Variants in PPP1R12B observed in about 807,000 individuals in gnomAD.
The protein encoded by PPP1R12B is myosin phosphatase target subunit 2.
PPP1R12B carries 76 observed loss-of-function variants against 126.1 expected under a neutral mutation model. The observed-to-expected ratio is 0.60, with a 90% CI of 0.50 to 0.73. PPP1R12B has a LOEUF of 0.73. Among genes scored for constraint, PPP1R12B ranks in the 30% least tolerant of loss-of-function variants. The pLI is 0.00. For synonymous variants in PPP1R12B, 356 were observed against 434.7 expected, an observed-to-expected ratio of 0.82 and a Z score of 2.25; for missense variants, 1,052 against 1,205.1, an observed-to-expected ratio of 0.87 and a Z score of 1.88.
chr1:202,402,317 G>A (rs1022636166), intron 1 of PPP1R12B, among the ~76,000 whole-genome samples: 2 of 152,138 alleles, frequency 1.3e-5, no homozygotes, highest in East Asian at 1.9e-4. Flanking sequence ...TAAGCTAGTC[G>A]GGGAGAGTGG....
intron 18 of PPP1R12B, among the ~76,000 whole-genome samples, chr1:202,535,906 A>G (rs1233198736): frequency 6.6e-6 from 1 of 152,234 alleles, no homozygotes; most frequent in African/African-American, 2.4e-5. Context: ...CTCACATTCA[A>G]CTTTCTGGAG....
chr1:202,574,612 C>A (rs1688921041), intron 23 of PPP1R12B, among the ~76,000 whole-genome samples: 1 of 152,190 alleles, frequency 6.6e-6, no homozygotes, highest in Non-Finnish European at 1.5e-5. Context: ...GTCCTCAGCT[C>A]TAATCTCAGT....
intron 1 of PPP1R12B, among the ~76,000 whole-genome samples, chr1:202,406,123 G>A (rs1364235263): frequency 3.3e-5 from 5 of 152,150 alleles, no homozygotes; most frequent in Non-Finnish European, 7.4e-5. Context: ...CTGTGCTCTT[G>A]TGTCTTGTGA....
chr1:202,451,049 G>C (rs1194153628), intron 13 of PPP1R12B, among the ~76,000 whole-genome samples: 1 of 148,600 alleles, frequency 6.7e-6, no homozygotes, highest in East Asian at 2.0e-4. Context: ...GTGTTTTATA[G>C]TTTTCATTGT....
At chr1:202,488,471 G>C in intron 13 of PPP1R12B, 62 bp from the exon 14 acceptor site, 1 of 1,277,264 alleles carries the variant, frequency 7.8e-7, no homozygotes, top group East Asian at 2.4e-5. Flanking sequence ...GAAACACTTT[G>C]TCATTCCTCA....
At chr1:202,375,555 C>G (rs1033037166) in intron 1 of PPP1R12B, among the ~76,000 whole-genome samples, 1 of 152,200 alleles carries the variant, frequency 6.6e-6, no homozygotes, top group Non-Finnish European at 1.5e-5. Context: ...ATAACCTATA[C>G]TGTGTTTTCC....
chr1:202,587,230 T>C lies in PPP1R12B; in HGVS notation c.*6670T>C, dbSNP rs1197225883. On this transcript the variant is annotated 3_prime_UTR_variant, in exon 24 of 24. Transcript: ENST00000608999. ...TAAGCATACACTTCACTCCTCTCCC[T>C]TTCATCTCCCTCTGCATTCTTAATT... is the stretch of plus-strand genomic sequence containing the variant. 6.6e-6 allele frequency: 1 copy of C among 152,214 alleles called. No homozygotes were observed. The allele number at this position is 152,214 out of a possible 1,614,324, so 9.4% of individuals were successfully genotyped here. A position where few individuals can be genotyped will look rare whatever the true frequency, so the allele number is the denominator to read the frequency against.
chr1:202,438,718 C>A, intron 10 of PPP1R12B: 1 of 657,698 alleles, frequency 1.5e-6, no homozygotes, highest in East Asian at 2.7e-5. Flanking sequence ...AGGTGGTTAC[C>A]GTGCATTTTG....
At chr1:202,360,439 T>A (rs1299030919) in intron 1 of PPP1R12B, among the ~76,000 whole-genome samples, 1 of 152,196 alleles carries the variant, frequency 6.6e-6, no homozygotes, top group Non-Finnish European at 1.5e-5. Context: ...CCGGGTGCAG[T>A]GGCTTACACC....
intron 13 of PPP1R12B, among the ~76,000 whole-genome samples, chr1:202,477,228 C>T (rs1262470517): frequency 6.6e-6 from 1 of 152,152 alleles, no homozygotes; most frequent in African/African-American, 2.4e-5. Context: ...TAGCAGCAAA[C>T]GTGTGCCAGG....
chr1:202,557,703 T>G (rs770996427), intron 18 of PPP1R12B, among the ~76,000 whole-genome samples: 5 of 152,194 alleles, frequency 3.3e-5, no homozygotes, highest in Non-Finnish European at 7.3e-5. Context: ...AAACAGCATC[T>G]CCAGTATTGA....
intron 18 of PPP1R12B, among the ~76,000 whole-genome samples, chr1:202,501,435 G>T (rs1308475192): frequency 6.6e-6 from 1 of 152,158 alleles, no homozygotes; most frequent in Non-Finnish European, 1.5e-5. Context: ...CTCTGGAGCT[G>T]TTTTCCAAGC....
At chr1:202,478,492 A>G (rs1676956601) in intron 13 of PPP1R12B, among the ~76,000 whole-genome samples, 1 of 152,216 alleles carries the variant, frequency 6.6e-6, no homozygotes, top group South Asian at 2.1e-4. Flanking sequence ...TTCAAGTACT[A>G]GAATTTATGG....
rs372515197 is a variant in PPP1R12B, at chr1:202,437,973, T to C, written c.1407T>C (p.Tyr469=). 183 of 1,613,914 alleles carry C rather than the reference T, an allele frequency of 1.1e-4. No homozygotes were observed. The African/African-American group carries it at 1.7e-3, about 15-fold the overall frequency. The change falls in exon 10 of 24, where the codon TAT becomes TAC. Residue 469 remains tyrosine, a synonymous_variant. Transcript: ENST00000608999. ...TAAGGGACCGAGGCTCTTCCATCTATCGCTCCTCTTCAAGCCCTCGGATTT... is the reference window on the plus strand; with the variant it reads ...TAAGGGACCGAGGCTCTTCCATCTACCGCTCCTCTTCAAGCCCTCGGATTT... The part of the protein sequence containing the change: ...EPIRDRGSSI[Y]RSSSSPRISA...
chr1:202,387,277 A>G (rs954415131), intron 1 of PPP1R12B, among the ~76,000 whole-genome samples: 4 of 152,228 alleles, frequency 2.6e-5, no homozygotes, highest in African/African-American at 4.8e-5. Flanking sequence ...ACTGCTCCAG[A>G]AAATAGGCTG....
intron 18 of PPP1R12B, among the ~76,000 whole-genome samples, chr1:202,526,142 G>T (rs1042082993): frequency 1.3e-5 from 2 of 152,212 alleles, no homozygotes; most frequent in Non-Finnish European, 2.9e-5. Flanking sequence ...CAAGTTGAAG[G>T]ATTTGACTTC....
chr1:202,430,747 A>T lies in PPP1R12B; in HGVS notation c.938A>T (p.Glu313Val). The change falls in exon 7 of 24, where the codon GAG becomes GTG. Residue 313 changes from glutamate to valine, a missense_variant. Physicochemically the swap from Glu to Val is moderately radical, Grantham distance 121. Coordinates refer to ENST00000608999, the MANE Select transcript of PPP1R12B (RefSeq NM_002481.4). ...KKQNVLRSEKETRNKLIESDL... is the reference protein window; with the variant it reads ...KKQNVLRSEKVTRNKLIESDL... ...CATTTCCAGCTTCGAAGTGAAAAGG[A>T]GACACGGAATAAACTCATTGAGTCA... is the stretch of plus-strand genomic sequence containing the variant. 6.2e-7 allele frequency: 1 copy of T among 1,613,006 alleles called. No individual in the cohort carries two copies. Among genetic ancestry groups the T allele is most frequent in the South Asian group, 1.1e-5 (1 of 90,876 alleles).
chr1:202,494,175 A>G (rs1260165634), intron 15 of PPP1R12B, among the ~76,000 whole-genome samples: 1 of 152,234 alleles, frequency 6.6e-6, no homozygotes, highest in African/African-American at 2.4e-5. Context: ...GCTAGATTCT[A>G]TAAACTGAAG....
In PPP1R12B at chr1:202,495,471, T is replaced by C; in HGVS notation, c.2324T>C (p.Met775Thr). 1 of 1,606,240 alleles carries C rather than the reference T, an allele frequency of 6.2e-7. No individual in the cohort carries two copies. The highest frequency in any genetic ancestry group is 1.3e-5 in the African/African-American group (1 of 74,706). Reference protein sequence around the residue: ...TTTNTTTAKEMDKNENEEADL... With the variant: ...TTTNTTTAKETDKNENEEADL... ...ACAAACACTACAACTGCAAAGGAAATGGACAAAAATGGTATGTAGAACTTC... is the reference window on the plus strand; with the variant it reads ...ACAAACACTACAACTGCAAAGGAAACGGACAAAAATGGTATGTAGAACTTC... Residue 775 changes from methionine (M) to threonine (T), a missense_variant, in exon 16 of 24, where the codon ATG (methionine) becomes ACG (threonine). By Grantham distance (81) the Met-to-Thr change is moderately conservative. Transcript: ENST00000608999.
Sources: gnomAD v4.1 joint callset for allele counts (sites outside exome capture counted in the v4.1 genomes callset) on GRCh38, gnomAD v4.1.1 for gene constraint, MANE v1.5 for transcripts, NCBI Gene and HGNC (gene_info 2026-07-23, HGNC 2026-07-21) for gene names.